The following SGCZ variants were observed in gnomAD, a reference collection of about 807,000 sequenced individuals.
SGCZ encodes zeta-sarcoglycan.
In SGCZ, 40 loss-of-function variants were observed where a neutral mutation model predicts 41.3. That is an observed-to-expected ratio of 0.97 (90% CI 0.75 to 1.26). The LOEUF is 1.26. Among genes scored for constraint, SGCZ ranks in the 50% most tolerant of loss-of-function variants. The pLI is 0.00. For missense variants in SGCZ, 552 were observed against 369.8 expected (o/e 1.49, Z -4.04); for synonymous variants, 206 against 137.5 (o/e 1.50, Z -3.49).
intron 1 of SGCZ, among the ~76,000 whole-genome samples, chr8:14,768,692 G>A (rs1427942226): frequency 3.3e-5 from 5 of 152,006 alleles, no homozygotes; most frequent in South Asian, 2.1e-4. Context: ...AAGAGATGCG[G>A]GAGTATGATT....
At chr8:14,695,012 G>C (rs907914133) in intron 1 of SGCZ, among the ~76,000 whole-genome samples, 1 of 152,216 alleles carries the variant, frequency 6.6e-6, no homozygotes, top group East Asian at 1.9e-4. Flanking sequence ...TATGACAAGG[G>C]ATAAAAGAGC....
At chr8:14,366,521 C>A (rs1189358619) in intron 2 of SGCZ, among the ~76,000 whole-genome samples, 1 of 152,080 alleles carries the variant, frequency 6.6e-6, no homozygotes, top group Non-Finnish European at 1.5e-5. Context: ...CAAAGTATAA[C>A]CATATCATTC....
intron 2 of SGCZ, among the ~76,000 whole-genome samples, chr8:14,418,809 A>G (rs1372531970): frequency 6.6e-6 from 1 of 152,014 alleles, no homozygotes; most frequent in Non-Finnish European, 1.5e-5. Flanking sequence ...CACTATTGCT[A>G]TACATAGTCC....
At chr8:15,192,975 C>T (rs930755117) in intron 1 of SGCZ, among the ~76,000 whole-genome samples, 1 of 152,088 alleles carries the variant, frequency 6.6e-6, no homozygotes, top group African/African-American at 2.4e-5. Flanking sequence ...TCACAAATGA[C>T]ACACTTTACC....
Position 14,107,239 on chromosome 8 carries a change from TAAAAAA to T in SGCZ, c.620+918_620+923del, listed in dbSNP as rs200495044. Among the ~76,000 whole-genome samples the T allele has an allele frequency of 5.5e-5, 8 of 145,394 alleles. No homozygotes were observed. In the East Asian group the frequency reaches 1.6e-3, roughly 29 times the overall value. On this transcript the variant is annotated intron_variant, in intron 6 of 7. Transcript: ENST00000382080. ...TCAAAAATAAAAATAAAAAAATAAA[TAAAAAA>T]AAAAAACATCCACTGAGCAGTTTTG...
intron 1 of SGCZ, among the ~76,000 whole-genome samples, chr8:14,587,956 T>G (rs1805114863): frequency 6.6e-6 from 1 of 152,122 alleles, no homozygotes; most frequent in East Asian, 1.9e-4. Flanking sequence ...GAATACTTCA[T>G]GGGTAACATC....
intron 1 of SGCZ, among the ~76,000 whole-genome samples, chr8:14,695,359 A>G (rs1197722614): frequency 6.6e-6 from 1 of 152,196 alleles, no homozygotes; most frequent in Non-Finnish European, 1.5e-5. Context: ...AACTAATTAA[A>G]GCAGTAAAAG....
intron 1 of SGCZ, among the ~76,000 whole-genome samples, chr8:15,146,193 A>G (rs958270558): frequency 1.3e-5 from 2 of 152,228 alleles, no homozygotes; most frequent in Non-Finnish European, 2.9e-5. Flanking sequence ...AGTCATACAA[A>G]AAAAAGAAAT....
chr8:14,310,759 CTG>C (rs1801511855), intron 3 of SGCZ, among the ~76,000 whole-genome samples: 1 of 152,042 alleles, frequency 6.6e-6, no homozygotes, highest in Admixed American at 6.6e-5. Context: ...AAGACAGTCT[CTG>C]TATTATGTCT....
intron 3 of SGCZ, among the ~76,000 whole-genome samples, chr8:14,278,378 G>C (rs1321397761): frequency 6.6e-6 from 1 of 152,014 alleles, no homozygotes; most frequent in African/African-American, 2.4e-5. Flanking sequence ...ACCGTGTATA[G>C]TCACAACATC....
At chr8:14,746,761 T>A (rs921755291) in intron 1 of SGCZ, among the ~76,000 whole-genome samples, 4 of 151,962 alleles carry the variant, frequency 2.6e-5, no homozygotes, top group Non-Finnish European at 1.5e-5. Context: ...AACATTGGGG[T>A]TTTTTGTGTG....
At chr8:14,558,843 T>A (rs1407246577) in intron 1 of SGCZ, among the ~76,000 whole-genome samples, 19 of 151,924 alleles carry the variant, frequency 1.3e-4, no homozygotes, top group Admixed American at 1.2e-3. Flanking sequence ...CAATAAAAAA[T>A]ATGATACACC....
chr8:14,851,721 A>C (rs573935276), intron 1 of SGCZ, among the ~76,000 whole-genome samples: 6 of 152,288 alleles, frequency 3.9e-5, no homozygotes, highest in African/African-American at 7.2e-5. Context: ...ATTTATATAT[A>C]TCTATCCTTT....
chr8:14,348,835 A>G (rs1802984392), intron 2 of SGCZ, among the ~76,000 whole-genome samples: 1 of 152,140 alleles, frequency 6.6e-6, no homozygotes, highest in African/African-American at 2.4e-5. Context: ...ATTAAATACA[A>G]ACATCATTTT....
At chr8:14,691,486 G>C (rs534003633) in intron 1 of SGCZ, among the ~76,000 whole-genome samples, 64 of 152,068 alleles carry the variant, frequency 4.2e-4, no homozygotes, top group African/African-American at 6.5e-4. Flanking sequence ...TGTCGTCTAA[G>C]TAACCTAATT....
chr8:15,198,157 A>G (rs1800789882), intron 1 of SGCZ, among the ~76,000 whole-genome samples: 1 of 151,410 alleles, frequency 6.6e-6, no homozygotes, highest in Non-Finnish European at 1.5e-5. Flanking sequence ...ATATTAATCT[A>G]TAAACATTTT....
chr8:14,297,857 GA>G lies in SGCZ; in HGVS notation c.336+26245del, dbSNP rs201231336. 1.2e-4 allele frequency among the ~76,000 whole-genome samples: 18 copies of G among 149,598 alleles called. No individual in the cohort carries two copies. In the East Asian group the frequency reaches 1.6e-3, roughly 13 times the overall value. ...TCAAACTTTTAGACCAACTCTTTCA[GA>G]AAAAAAAAGGAGAAGACTTTGCCAC... On this transcript the variant is annotated intron_variant, in intron 3 of 7. Transcript: ENST00000382080.
intron 3 of SGCZ, among the ~76,000 whole-genome samples, chr8:14,257,604 G>A (rs999555676): frequency 7.3e-5 from 11 of 151,534 alleles, no homozygotes; most frequent in South Asian, 2.1e-4. Flanking sequence ...TTTACATTAG[G>A]TATATCTACT....
In SGCZ at chr8:15,056,467, C is replaced by T. The variant is rs180799888; in HGVS notation, c.39+181118G>A. On this transcript the variant is annotated intron_variant, in intron 1 of 7. Coordinates refer to ENST00000382080, the MANE Select transcript of SGCZ (RefSeq NM_139167.4). ...GGCCCATTGTAAGTTGAACAAAAAA[C>T]TCACTATTAATGAATAAATGGATGA... Among the ~76,000 whole-genome samples, 6 of 151,996 alleles carry T rather than the reference C, an allele frequency of 3.9e-5. No homozygotes were observed. The East Asian group carries it at 1.2e-3, about 30-fold the overall frequency.
Sources: allele counts gnomAD v4.1 joint callset (sites outside exome capture counted in the v4.1 genomes callset), GRCh38; gene constraint gnomAD v4.1.1; transcripts MANE v1.5; gene names NCBI Gene and HGNC (gene_info 2026-07-23, HGNC 2026-07-21).